The following CPNE8 variants were observed in gnomAD, a reference collection of about 807,000 sequenced individuals.
CPNE8 encodes copine-8.
A neutral mutation model predicts 81.5 loss-of-function variants in CPNE8; 45 were observed. The ratio of observed to expected loss-of-function variants is 0.55; its 90% CI spans 0.44 to 0.71. CPNE8 has a LOEUF of 0.71. Ranked by LOEUF, CPNE8 falls within the 30% of genes least tolerant of loss-of-function variation. CPNE8 has a pLI of 0.00. For missense variants in CPNE8, 594 were observed against 672.1 expected, an observed-to-expected ratio of 0.88 and a Z score of 1.28; for synonymous variants, 252 against 226.3, an observed-to-expected ratio of 1.11 and a Z score of -1.02.
At chr12:38,878,261 A>G (rs1314639588) in intron 1 of CPNE8, among the ~76,000 whole-genome samples, 1 of 152,126 alleles carries the variant, frequency 6.6e-6, no homozygotes, top group Non-Finnish European at 1.5e-5. Context: ...ACTCACCTCG[A>G]AATCTTTCTT....
chr12:38,905,415 A>C (rs1412023688), intron 1 of CPNE8, 22 bp downstream of exon 1: 17 of 1,550,560 alleles, frequency 1.1e-5, no homozygotes, highest in Non-Finnish European at 1.3e-5. Flanking sequence ...GGCAGGAGAG[A>C]GGGGAAGGGC....
intron 10 of CPNE8, among the ~76,000 whole-genome samples, chr12:38,736,504 G>A (rs547894781): frequency 1.3e-5 from 1 of 74,176 alleles, no homozygotes; most frequent in Admixed American, 1.8e-4. Flanking sequence ...TGCCTGTTTA[G>A]TTACGCCAAA....
At chr12:38,881,744 G>C (rs957335456) in intron 1 of CPNE8, among the ~76,000 whole-genome samples, 1 of 152,150 alleles carries the variant, frequency 6.6e-6, no homozygotes, top group Non-Finnish European at 1.5e-5. Flanking sequence ...GTCAGAACTT[G>C]ACATGTCAGA....
chr12:38,703,343 A>G (rs2136692043), intron 13 of CPNE8, among the ~76,000 whole-genome samples: 1 of 152,276 alleles, frequency 6.6e-6, no homozygotes, highest in Middle Eastern at 3.4e-3. Flanking sequence ...AATCATCTCT[A>G]ATAATGTCAT....
chr12:38,685,166 A>T (rs555113052), intron 16 of CPNE8, among the ~76,000 whole-genome samples: 1 of 152,326 alleles, frequency 6.6e-6, no homozygotes, highest in East Asian at 1.9e-4. Context: ...GATAAGAATG[A>T]TTTACACAGT....
Position 38,776,219 on chromosome 12 carries a change from CA to C in CPNE8, c.471+18del. 1.4e-6 allele frequency: 2 copies of C among 1,418,690 alleles called. No individual in the cohort carries two copies. The highest frequency in any genetic ancestry group is 1.9e-6 in the Non-Finnish European group (2 of 1,031,370). The allele number at this position is 1,418,690 out of a possible 1,614,324, so 87.9% of individuals were successfully genotyped here. A position where few individuals can be genotyped will look rare whatever the true frequency, so the allele number is the denominator to read the frequency against. On this transcript the variant is annotated intron_variant, in intron 7 of 19. Transcript: ENST00000331366. ...TGAAGTATGGAAGTATTTTCTAAAC[CA>C]AAGAAATATTTACTTACCCTGCAAC... is the stretch of plus-strand genomic sequence containing the variant.
intron 13 of CPNE8, among the ~76,000 whole-genome samples, chr12:38,705,820 G>T (rs1361279314): frequency 6.6e-6 from 1 of 152,006 alleles, no homozygotes; most frequent in African/African-American, 2.4e-5. Context: ...CTCTTGGAGG[G>T]CAGGTACCTG....
chr12:38,768,418 A>G (rs1941733583), intron 7 of CPNE8, among the ~76,000 whole-genome samples: 1 of 152,214 alleles, frequency 6.6e-6, no homozygotes, highest in African/African-American at 2.4e-5. Flanking sequence ...AAGCTAGGGT[A>G]TCATAACACA....
At chr12:38,867,337 T>TGAGA (rs1442950706) in intron 3 of CPNE8, among the ~76,000 whole-genome samples, 245 of 137,224 alleles carry the variant, frequency 1.8e-3, no homozygotes, top group Admixed American at 1.8e-3. Flanking sequence ...TGTGTGTGTG[T>TGAGA]GTGAGAGAGA....
chr12:38,685,491 T>C lies in CPNE8; in HGVS notation c.1270A>G (p.Arg424Gly). The change falls in exon 16 of 20, where the codon AGA (arginine) becomes GGA (glycine). Residue 424 changes from arginine (R) to glycine (G), a missense_variant and splice_region_variant. Coordinates refer to ENST00000331366, the MANE Select transcript of CPNE8 (RefSeq NM_153634.3). ...NFAPVINHVA[R>G]YASSVKDGSQ... Reference sequence around the variant, plus strand: ...GCACCTTGTCTACTCTCTACTTACCTTGCTACATGATTAATTACAGGAGCA... The same window carrying C: ...GCACCTTGTCTACTCTCTACTTACCCTGCTACATGATTAATTACAGGAGCA... The C allele has an allele frequency of 6.2e-7, 1 of 1,612,932 alleles. No homozygotes were observed. Among genetic ancestry groups the C allele is most frequent in the Non-Finnish European group, 8.5e-7 (1 of 1,179,264 alleles).
intron 11 of CPNE8, among the ~76,000 whole-genome samples, chr12:38,729,842 C>T (rs1483156812): frequency 6.6e-6 from 1 of 151,968 alleles, no homozygotes; most frequent in Non-Finnish European, 1.5e-5. Flanking sequence ...TTAATGGCTG[C>T]ATATTACCTT....
At chr12:38,870,445 T>C (rs922566255) in intron 3 of CPNE8, among the ~76,000 whole-genome samples, 2 of 152,152 alleles carry the variant, frequency 1.3e-5, no homozygotes, top group South Asian at 2.1e-4. Context: ...ATACACACCA[T>C]GGAATGCTAT....
chr12:38,854,881 AG>A (rs1384789828), intron 3 of CPNE8, among the ~76,000 whole-genome samples: 1 of 152,134 alleles, frequency 6.6e-6, no homozygotes, highest in Non-Finnish European at 1.5e-5. Flanking sequence ...TACTTAACAT[AG>A]GACTACAAGT....
intron 5 of CPNE8, among the ~76,000 whole-genome samples, chr12:38,833,351 C>CAAAA (rs774534221): frequency 7.1e-4 from 44 of 61,776 alleles, no homozygotes; most frequent in African/African-American, 1.6e-3. Flanking sequence ...GACCTTATCT[C>CAAAA]AAAAAAAAAA....
chr12:38,781,832 C>A (rs1942059978), intron 6 of CPNE8, among the ~76,000 whole-genome samples: 1 of 152,104 alleles, frequency 6.6e-6, no homozygotes, highest in East Asian at 1.9e-4. Flanking sequence ...CCAATCTAAC[C>A]ATGAGAAAAA....
At chr12:38,827,675 G>A (rs894929007) in intron 6 of CPNE8, among the ~76,000 whole-genome samples, 9 of 152,152 alleles carry the variant, frequency 5.9e-5, no homozygotes, top group Non-Finnish European at 1.2e-4. Flanking sequence ...TGTAGCAACA[G>A]TAATGGAACT....
intron 19 of CPNE8, among the ~76,000 whole-genome samples, chr12:38,659,732 G>A (rs148831760): frequency 7.5e-4 from 114 of 152,214 alleles, no homozygotes; most frequent in African/African-American, 2.5e-3. Context: ...TAGAACTCAG[G>A]ATTAAGAAAC....
intron 6 of CPNE8, among the ~76,000 whole-genome samples, chr12:38,790,258 A>G (rs1431291211): frequency 1.3e-5 from 2 of 151,880 alleles, no homozygotes; most frequent in African/African-American, 4.8e-5. Context: ...CTATTCAGCC[A>G]TAAAGAAAAA....
At chr12:38,888,525 C>T (rs776757294) in intron 1 of CPNE8, among the ~76,000 whole-genome samples, 6 of 152,088 alleles carry the variant, frequency 3.9e-5, no homozygotes, top group Non-Finnish European at 8.8e-5. Context: ...GACTCAATAA[C>T]AGAATTTAAA....
Sources: allele counts gnomAD v4.1 joint callset (sites outside exome capture counted in the v4.1 genomes callset), GRCh38; gene constraint gnomAD v4.1.1; transcripts MANE v1.5; gene names NCBI Gene and HGNC (gene_info 2026-07-23, HGNC 2026-07-21).